LRRC4C: variants seen among roughly 807,000 people sequenced by gnomAD.
LRRC4C encodes the protein leucine-rich repeat-containing protein 4C.
Under a neutral mutation model 33.6 loss-of-function variants are expected in LRRC4C, and 5 were observed. The observed-to-expected ratio is 0.15, with a 90% CI of 0.08 to 0.31. The LOEUF is 0.31. LRRC4C is among the 10% of genes least tolerant of loss of function. The pLI, the probability that LRRC4C is intolerant of heterozygous loss-of-function variation, is 1.00. For missense variants in LRRC4C, 560 were observed against 796.7 expected, an observed-to-expected ratio of 0.70 and a Z score of 3.58; for synonymous variants, 329 against 302.0, an observed-to-expected ratio of 1.09 and a Z score of -0.93.
At chr11:40,354,988 C>T (rs1337801246) in intron 3 of LRRC4C, among the ~76,000 whole-genome samples, 2 of 152,102 alleles carry the variant, frequency 1.3e-5, no homozygotes, top group African/African-American at 4.8e-5. Context: ...ACCCAAGGCC[C>T]ACGGGAAGTA....
At chr11:40,384,377 C>T (rs919273708) in intron 3 of LRRC4C, among the ~76,000 whole-genome samples, 1 of 152,070 alleles carries the variant, frequency 6.6e-6, no homozygotes, top group Admixed American at 6.6e-5. Context: ...CATTGGTAAA[C>T]ACTAGAGATT....
intron 1 of LRRC4C, among the ~76,000 whole-genome samples, chr11:41,050,713 C>A (rs1858146057): frequency 6.6e-6 from 1 of 152,054 alleles, no homozygotes; most frequent in African/African-American, 2.4e-5. Flanking sequence ...TGGGGTGGTT[C>A]CAAGTCTTTG....
chr11:40,735,907 C>G (rs1026442707), intron 2 of LRRC4C, among the ~76,000 whole-genome samples: 1 of 151,396 alleles, frequency 6.6e-6, no homozygotes, highest in Non-Finnish European at 1.5e-5. Flanking sequence ...CTCTGATGGC[C>G]AGTGATGGTG....
intron 3 of LRRC4C, among the ~76,000 whole-genome samples, chr11:40,590,672 CTGTT>C (rs1959001775): frequency 6.6e-6 from 1 of 150,794 alleles, no homozygotes; most frequent in African/African-American, 2.4e-5. Flanking sequence ...GATGTCCTTT[CTGTT>C]TGTTAGTTTT....
chr11:40,339,446 G>A (rs1174333269), intron 3 of LRRC4C, among the ~76,000 whole-genome samples: 1 of 152,198 alleles, frequency 6.6e-6, no homozygotes, highest in African/African-American at 2.4e-5. Flanking sequence ...CAGGGGTGTT[G>A]TATGAATTAA....
At position 40,570,291 on chromosome 11, in the gene LRRC4C, G is replaced by A. The variant is rs201098383; in HGVS notation, c.-270+77851C>T. Among the ~76,000 whole-genome samples, 4 of 152,210 alleles carry A rather than the reference G, an allele frequency of 2.6e-5. No individual in the cohort carries two copies. In the East Asian group the frequency reaches 7.7e-4, roughly 29 times the overall value. ...ACTGGGGAAAAATCAATATTTGCAA[G>A]TTAAAATTAGATGAGACAAGTCTCA... On this transcript the variant is annotated intron_variant, in intron 3 of 6. Transcript: ENST00000528697.
chr11:40,489,119 C>T (rs1455261361), intron 3 of LRRC4C, among the ~76,000 whole-genome samples: 1 of 152,064 alleles, frequency 6.6e-6, no homozygotes, highest in African/African-American at 2.4e-5. Flanking sequence ...CCCTTAATTT[C>T]TGTCAAATCC....
intron 2 of LRRC4C, among the ~76,000 whole-genome samples, chr11:40,648,891 G>C (rs1048464314): frequency 6.6e-6 from 1 of 152,104 alleles, no homozygotes; most frequent in Non-Finnish European, 1.5e-5. Context: ...GCCTCCGGGG[G>C]TGACCTCACA....
chr11:41,201,252 T>C (rs1946387479), intron 1 of LRRC4C, among the ~76,000 whole-genome samples: 1 of 152,190 alleles, frequency 6.6e-6, no homozygotes, highest in Admixed American at 6.5e-5. Context: ...TGTACGAGTC[T>C]CTATTTAAAG....
chr11:40,662,150 A>G (rs948478031), intron 2 of LRRC4C, among the ~76,000 whole-genome samples: 1 of 152,236 alleles, frequency 6.6e-6, no homozygotes, highest in African/African-American at 2.4e-5. Context: ...TATCATCTGC[A>G]TAATGTCCTG....
intron 5 of LRRC4C, among the ~76,000 whole-genome samples, chr11:40,205,211 G>T (rs1413478462): frequency 6.6e-6 from 1 of 152,166 alleles, no homozygotes; most frequent in Non-Finnish European, 1.5e-5. Context: ...TATAGAAGAG[G>T]CAACTAAAGG....
intron 2 of LRRC4C, among the ~76,000 whole-genome samples, chr11:40,808,415 G>T (rs997192869): frequency 1.3e-5 from 2 of 152,168 alleles, no homozygotes; most frequent in African/African-American, 4.8e-5. Flanking sequence ...ACTCAAGTCA[G>T]CCAGAGTTCT....
intron 2 of LRRC4C, among the ~76,000 whole-genome samples, chr11:40,734,589 A>T (rs1947760784): frequency 6.6e-6 from 1 of 152,184 alleles, no homozygotes; most frequent in African/African-American, 2.4e-5. Context: ...AAAAGAAGAG[A>T]TTAAGCACTA....
At chr11:40,500,993 C>T (rs1954738222) in intron 3 of LRRC4C, among the ~76,000 whole-genome samples, 1 of 152,184 alleles carries the variant, frequency 6.6e-6, no homozygotes, top group Non-Finnish European at 1.5e-5. Context: ...TGGGTAAATA[C>T]AGCCATTCCA....
At chr11:41,079,343 C>T (rs1392214645) in intron 1 of LRRC4C, among the ~76,000 whole-genome samples, 2 of 152,038 alleles carry the variant, frequency 1.3e-5, no homozygotes, top group Admixed American at 6.6e-5. Flanking sequence ...AGGAGGGTGA[C>T]AAGGCATGAA....
At chr11:41,342,931 A>G (rs916351843) in intron 1 of LRRC4C, among the ~76,000 whole-genome samples, 47 of 152,310 alleles carry the variant, frequency 3.1e-4, no homozygotes, top group African/African-American at 1.1e-3. Flanking sequence ...TCAAGTCTCT[A>G]TATGAGGACT....
At position 40,854,265 on chromosome 11, in the gene LRRC4C, G is replaced by A. The variant is rs570413645; in HGVS notation, c.-407+79370C>T. ...GGAATCGATTCTAACAGGAATGGGAGTTTTCCCATCACTCTCGATTCTTGT... is the reference window on the plus strand; with the variant it reads ...GGAATCGATTCTAACAGGAATGGGAATTTTCCCATCACTCTCGATTCTTGT... On this transcript the variant is annotated intron_variant, in intron 2 of 6. Coordinates refer to ENST00000528697, the MANE Select transcript of LRRC4C (RefSeq NM_001258419.2). Among the ~76,000 whole-genome samples, 8 of 152,264 alleles carry A rather than the reference G, an allele frequency of 5.3e-5. No individual in the cohort carries two copies. The East Asian group carries it at 9.7e-4, about 18-fold the overall frequency.
At chr11:41,060,998 C>T (rs1937722475) in intron 1 of LRRC4C, among the ~76,000 whole-genome samples, 1 of 152,010 alleles carries the variant, frequency 6.6e-6, no homozygotes. Context: ...CCTCCCCCCT[C>T]CACACAGGTG....
intron 3 of LRRC4C, among the ~76,000 whole-genome samples, chr11:40,455,096 C>G (rs1952070158): frequency 6.6e-6 from 1 of 152,110 alleles, no homozygotes; most frequent in Non-Finnish European, 1.5e-5. Context: ...ACCAGTTGTC[C>G]ACACTTGAAA....
Sources: gnomAD v4.1 joint callset for allele counts (sites outside exome capture counted in the v4.1 genomes callset) on GRCh38, gnomAD v4.1.1 for gene constraint, MANE v1.5 for transcripts, NCBI Gene and HGNC (gene_info 2026-07-23, HGNC 2026-07-21) for gene names.